PAMR1: variants seen among roughly 807,000 people sequenced by gnomAD.
PAMR1 encodes the protein inactive serine protease PAMR1.
In PAMR1, 88 loss-of-function variants were observed where a neutral mutation model predicts 81.8. The ratio of observed to expected loss-of-function variants is 1.08; its 90% CI spans 0.91 to 1.28. The LOEUF is 1.28. Among genes scored for constraint, PAMR1 ranks in the 50% most tolerant of loss-of-function variants. The pLI, the probability that PAMR1 is intolerant of heterozygous loss-of-function variation, is 0.00. For synonymous variants in PAMR1, 336 were observed against 345.3 expected, an observed-to-expected ratio of 0.97 and a Z score of 0.30; for missense variants, 935 against 919.7, an observed-to-expected ratio of 1.02 and a Z score of -0.21.
intron 6 of PAMR1, among the ~76,000 whole-genome samples, chr11:35,445,154 T>C (rs1161255471): frequency 6.6e-6 from 1 of 152,214 alleles, no homozygotes; most frequent in Non-Finnish European, 1.5e-5. Flanking sequence ...CTGTTGTTGA[T>C]GTATAGGAAT....
chr11:35,526,462 A>G (rs1219857320), upstream of PAMR1, among the ~76,000 whole-genome samples: 1 of 146,150 alleles, frequency 6.8e-6, no homozygotes, highest in African/African-American at 2.5e-5. Context: ...GAAATGAGGA[A>G]GAAGGATGTT....
intron 6 of PAMR1, among the ~76,000 whole-genome samples, chr11:35,448,600 T>C (rs1856345130): frequency 6.6e-6 from 1 of 152,134 alleles, no homozygotes; most frequent in Non-Finnish European, 1.5e-5. Flanking sequence ...CTTTAGCTCA[T>C]CAAAGTTCAT....
At chr11:35,432,972 T>C in intron 10 of PAMR1, 80 bp from the exon 11 acceptor site, 1 of 1,299,046 alleles carries the variant, frequency 7.7e-7, no homozygotes, top group South Asian at 1.5e-5. Flanking sequence ...TGGAGCTAAA[T>C]TTTTGGGAGA....
intron 6 of PAMR1, among the ~76,000 whole-genome samples, chr11:35,447,743 GT>G (rs1231746662): frequency 1.3e-5 from 2 of 152,164 alleles, no homozygotes; most frequent in East Asian, 3.8e-4. Context: ...TAGTGCCTTG[GT>G]CTGTCTACTT....
chr11:35,440,849 C>T (rs776093184), intron 7 of PAMR1, among the ~76,000 whole-genome samples: 1 of 152,136 alleles, frequency 6.6e-6, no homozygotes. Flanking sequence ...AATACCATCC[C>T]GACTCCTCTT....
intron 7 of PAMR1, among the ~76,000 whole-genome samples, chr11:35,440,392 A>C (rs1856140210): frequency 6.6e-6 from 1 of 152,224 alleles, no homozygotes. Context: ...AATAAAAATC[A>C]GAATTTGTGC....
intron 1 of PAMR1, among the ~76,000 whole-genome samples, chr11:35,496,227 A>G (rs925791203): frequency 5.9e-5 from 9 of 152,376 alleles, no homozygotes; most frequent in Non-Finnish European, 1.2e-4. Flanking sequence ...ATTCTTAGAC[A>G]TGACACCAAA....
At chr11:35,518,249 A>G (rs1851205455) in intron 1 of PAMR1, among the ~76,000 whole-genome samples, 1 of 151,846 alleles carries the variant, frequency 6.6e-6, no homozygotes, top group Non-Finnish European at 1.5e-5. Context: ...CAAGTAAGCA[A>G]AGGTAGGTTG....
intron 5 of PAMR1, among the ~76,000 whole-genome samples, chr11:35,470,357 A>T (rs1468580257): frequency 2.0e-5 from 3 of 152,214 alleles, no homozygotes; most frequent in Non-Finnish European, 2.9e-5. Context: ...TGGACAAGTC[A>T]TTCAGCCTCT....
chr11:35,433,420 T>C (rs1855953863), intron 10 of PAMR1, among the ~76,000 whole-genome samples: 1 of 152,228 alleles, frequency 6.6e-6, no homozygotes, highest in Non-Finnish European at 1.5e-5. Context: ...CCACAAGACT[T>C]TTCCACAAAG....
chr11:35,528,010 A>C (rs192905284), upstream of PAMR1, among the ~76,000 whole-genome samples: 29 of 150,484 alleles, frequency 1.9e-4, no homozygotes, highest in East Asian at 4.7e-3. Flanking sequence ...CCCACCTCCC[A>C]GCCCCCACCA....
intron 1 of PAMR1, among the ~76,000 whole-genome samples, chr11:35,524,742 G>A (rs977256862): frequency 5.3e-5 from 8 of 152,192 alleles, no homozygotes; most frequent in Admixed American, 5.2e-4. Flanking sequence ...AGCAGGATCT[G>A]CCATGTCCTC....
chr11:35,446,070 T>C (rs911206037), intron 6 of PAMR1, among the ~76,000 whole-genome samples: 1 of 152,222 alleles, frequency 6.6e-6, no homozygotes, highest in Non-Finnish European at 1.5e-5. Flanking sequence ...GGAGGGTGTA[T>C]GTGTCCAGGA....
intron 4 of PAMR1, among the ~76,000 whole-genome samples, chr11:35,474,276 A>G (rs1037107476): frequency 2.0e-5 from 3 of 152,348 alleles, no homozygotes; most frequent in South Asian, 2.1e-4. Flanking sequence ...TAATTCTTTG[A>G]AAATTAGGCC....
chr11:35,447,125 C>T (rs1440632405), intron 6 of PAMR1, among the ~76,000 whole-genome samples: 1 of 150,932 alleles, frequency 6.6e-6, no homozygotes, highest in Admixed American at 6.6e-5. Context: ...GGTTTAAAGT[C>T]TGTTTTGTCA....
intron 1 of PAMR1, among the ~76,000 whole-genome samples, chr11:35,518,632 C>T (rs375945766): frequency 6.0e-5 from 9 of 151,154 alleles, no homozygotes; most frequent in African/African-American, 2.2e-4. Context: ...CACAGAGCCT[C>T]TTTTTGTCTT....
At chr11:35,447,602 G>T (rs958500350) in intron 6 of PAMR1, among the ~76,000 whole-genome samples, 1 of 152,122 alleles carries the variant, frequency 6.6e-6, no homozygotes, top group African/African-American at 2.4e-5. Context: ...TATCCAGCTT[G>T]CCATTCTGTG....
At chr11:35,505,868 A>C (rs534238045) in intron 1 of PAMR1, among the ~76,000 whole-genome samples, 1 of 151,744 alleles carries the variant, frequency 6.6e-6, no homozygotes, top group East Asian at 1.9e-4. Context: ...GTTATTGATA[A>C]GTAAGTACTT....
At chr11:35,506,843 T>C (rs1014246979) in intron 1 of PAMR1, among the ~76,000 whole-genome samples, 8 of 150,972 alleles carry the variant, frequency 5.3e-5, no homozygotes, top group African/African-American at 1.5e-4. Context: ...TGGATATTTA[T>C]ATCTTTCTTA....
Sources: gnomAD v4.1 joint callset for allele counts (sites outside exome capture counted in the v4.1 genomes callset) on GRCh38, gnomAD v4.1.1 for gene constraint, MANE v1.5 for transcripts, NCBI Gene and HGNC (gene_info 2026-07-23, HGNC 2026-07-21) for gene names.